Variants in UNKL observed in about 807,000 individuals in gnomAD.
The protein encoded by UNKL is unk like zinc finger, also known as putative E3 ubiquitin-protein ligase UNKL.
UNKL carries 60 observed loss-of-function variants against 78.0 expected under a neutral mutation model. That is an observed-to-expected ratio of 0.77 (90% CI 0.63 to 0.95). The LOEUF (loss-of-function observed/expected upper bound fraction) is 0.95, where lower values mean the gene tolerates loss of function less well. UNKL is among the 40% of genes least tolerant of loss of function. UNKL has a pLI of 0.00. For synonymous variants in UNKL, 608 were observed against 474.8 expected, an observed-to-expected ratio of 1.28 and a Z score of -3.65; for missense variants, 1,159 against 1,045.7, an observed-to-expected ratio of 1.11 and a Z score of -1.49.
In UNKL at chr16:1,367,864, T is replaced by A. The variant is rs1195266528; in HGVS notation, c.1586-6A>T. 9.6e-6 allele frequency: 15 copies of A among 1,554,798 alleles called. No individual in the cohort carries two copies. The highest frequency in any genetic ancestry group is 1.3e-5 in the Non-Finnish European group (15 of 1,149,616). The stretch of plus-strand genomic sequence containing the variant: ...CCCGGGGACACCGTTCAAACCTGAG[T>A]GTGAAACGGTCGATGACGGCCCAGC... On this transcript the variant is annotated splice_polypyrimidine_tract_variant and splice_region_variant and intron_variant, in intron 12 of 14. Transcript: ENST00000389221.
intron 2 of UNKL, 63 bp downstream of exon 2, chr16:1,413,783 G>C: frequency 6.9e-7 from 1 of 1,453,558 alleles, no homozygotes; most frequent in Non-Finnish European, 9.1e-7. Flanking sequence ...GGTCCCGGCC[G>C]CATCCCCGGG....
chr16:1,396,499 C>G (rs1029251538), intron 6 of UNKL, among the ~76,000 whole-genome samples: 3 of 151,090 alleles, frequency 2.0e-5, no homozygotes, highest in Non-Finnish European at 2.9e-5. Flanking sequence ...TGGTTTCGAA[C>G]CCCTGACCTC....
chr16:1,404,415 G>A (rs1157685965), intron 2 of UNKL, among the ~76,000 whole-genome samples: 1 of 152,188 alleles, frequency 6.6e-6, no homozygotes, highest in African/African-American at 2.4e-5. Flanking sequence ...ATCCTCTAAG[G>A]TCAGGAAACA....
intron 10 of UNKL, among the ~76,000 whole-genome samples, chr16:1,381,932 G>T (rs1191176994): frequency 6.6e-6 from 1 of 152,152 alleles, no homozygotes; most frequent in Non-Finnish European, 1.5e-5. Context: ...GACAGGGCAA[G>T]ACCCTGTCTT....
At chr16:1,370,450 A>AGGTGGT (rs768391541) in intron 11 of UNKL, 93 bp from the exon 12 acceptor site, 2 of 1,166,434 alleles carry the variant, frequency 1.7e-6, no homozygotes, top group South Asian at 2.8e-5. Flanking sequence ...CGGACCCTGC[A>AGGTGGT]GGTGGTGGTG....
chr16:1,366,612 G>A (rs1429959230), intron 14 of UNKL, among the ~76,000 whole-genome samples: 2 of 152,180 alleles, frequency 1.3e-5, no homozygotes, highest in Admixed American at 6.5e-5. Flanking sequence ...CTGGGCAGAG[G>A]ACAGCCTCCT....
rs760547085 is a variant in UNKL, at chr16:1,366,324, G to C, written c.2118C>G (p.Pro706=). ...RERAHGAVLR[P]CQHHILCEPC... is the part of the protein sequence containing the mutation. ...GCTCACAGAGGATGTGGTGCTGACAGGGCCGCAGGACAGCACCGTGGGCCC... is the reference window on the plus strand; with the variant it reads ...GCTCACAGAGGATGTGGTGCTGACACGGCCGCAGGACAGCACCGTGGGCCC... The change falls in exon 15 of 15, where the codon CCC becomes CCG. Residue 706 remains proline, a synonymous_variant. Coordinates refer to ENST00000389221, the MANE Select transcript of UNKL (RefSeq NM_001372107.1). 5 of 1,603,860 alleles carry C rather than the reference G, an allele frequency of 3.1e-6. No homozygotes were observed. Among genetic ancestry groups the C allele is most frequent in the Non-Finnish European group, 4.3e-6 (5 of 1,176,460 alleles).
intron 5 of UNKL, 79 bp from the exon 6 acceptor site, chr16:1,397,374 G>T (rs1400463306): frequency 1.7e-6 from 1 of 591,130 alleles, no homozygotes; most frequent in African/African-American, 2.7e-5. Flanking sequence ...GCTGGGGCAG[G>T]GCGTGGACCT....
In UNKL at chr16:1,403,527, G is replaced by T. The variant is rs1004309349; in HGVS notation, c.288-183C>A. On this transcript the variant is annotated intron_variant, in intron 2 of 14. Transcript: ENST00000389221. The surrounding 1 kb of genome is among the most constrained non-coding windows in gnomAD (Gnocchi z 4.8). ...AGCACCTGTCCCCAAATGTGGAACC[G>T]CCCAGGTACACAGACCACCGCAAAC... is the stretch of plus-strand genomic sequence containing the variant. Among the ~76,000 whole-genome samples, 1 of 151,984 alleles carries T rather than the reference G, an allele frequency of 6.6e-6. No homozygotes were observed. The highest frequency in any genetic ancestry group is 1.5e-5 in the Non-Finnish European group (1 of 68,002).
chr16:1,379,563 G>A, intron 10 of UNKL: 5 of 985,310 alleles, frequency 5.1e-6, no homozygotes, highest in Non-Finnish European at 6.0e-6. Flanking sequence ...GGGAGGGCCC[G>A]CTCCTGACCG....
intron 12 of UNKL, among the ~76,000 whole-genome samples, chr16:1,368,608 CAAAA>C (rs757374554): frequency 1.2e-4 from 5 of 42,142 alleles, no homozygotes; most frequent in African/African-American, 3.7e-4. Flanking sequence ...GACTCCGTCT[CAAAA>C]AAAAAAAAAA....
chr16:1,387,669 AC>A lies in UNKL; in HGVS notation c.1087-2285del, dbSNP rs1285060161. Among the ~76,000 whole-genome samples, 1 of 152,042 alleles carries A rather than the reference AC, an allele frequency of 6.6e-6. No individual in the cohort carries two copies. Among genetic ancestry groups the A allele is most frequent in the Non-Finnish European group, 1.5e-5 (1 of 67,990 alleles). ...CCGCATCCAGCAGCTATCACTCAGA[AC>A]CAAAAGCTCAGGATGGCAACGCACG... On this transcript the variant is annotated intron_variant, in intron 9 of 14. Coordinates refer to ENST00000389221, the MANE Select transcript of UNKL (RefSeq NM_001372107.1). The surrounding 1 kb of genome is among the most constrained non-coding windows in gnomAD (Gnocchi z 4.1).
At position 1,374,189 on chromosome 16, in the gene UNKL, G is replaced by A. The variant is rs2036033621; in HGVS notation, c.1265-2578C>T. On this transcript the variant is annotated intron_variant, in intron 10 of 14. Coordinates refer to ENST00000389221, the MANE Select transcript of UNKL (RefSeq NM_001372107.1). ...CGGCCAACACCGCACAGAGACCTCA[G>A]CAGCGTGGGGCACACCACACAGGGA... Among the ~76,000 whole-genome samples the A allele has an allele frequency of 2.0e-5, 3 of 149,644 alleles. 1 individual carries two copies. Among genetic ancestry groups the A allele is most frequent in the Admixed American group, 2.0e-4 (3 of 15,150 alleles).
chr16:1,413,144 C>T (rs372449876), intron 2 of UNKL, among the ~76,000 whole-genome samples: 1 of 151,164 alleles, frequency 6.6e-6, no homozygotes, highest in Non-Finnish European at 1.5e-5. Context: ...ACTTGGGAGG[C>T]TGAGAAGGGA....
At position 1,387,968 on chromosome 16, in the gene UNKL, G is replaced by A. The variant is rs1322595145; in HGVS notation, c.1087-2583C>T. Among the ~76,000 whole-genome samples, 4 of 152,186 alleles carry A rather than the reference G, an allele frequency of 2.6e-5. No homozygotes were observed. Among genetic ancestry groups the A allele is most frequent in the Non-Finnish European group, 4.4e-5 (3 of 68,022 alleles). ...CCTAGAGGCCACCGCCCGGGTCACA[G>A]TCACCCCTGTGGATGTCCTCTCAGC... is the stretch of plus-strand genomic sequence containing the variant. On this transcript the variant is annotated intron_variant, in intron 9 of 14. Coordinates refer to ENST00000389221, the MANE Select transcript of UNKL (RefSeq NM_001372107.1). This position sits in a 1 kb window ranked among gnomAD's most constrained non-coding sequence, Gnocchi z 4.1.
chr16:1,396,059 C>T (rs529074748), intron 6 of UNKL, among the ~76,000 whole-genome samples: 2 of 152,148 alleles, frequency 1.3e-5, no homozygotes, highest in East Asian at 3.9e-4. Flanking sequence ...CCTCGCGCCT[C>T]AGCCTCCAAG....
rs772541424 is a variant in UNKL at position 1,365,450 on chromosome 16, G to A, written c.*790C>T. 3.3e-5 allele frequency: 5 copies of A among 152,352 alleles called. No homozygotes were observed. The highest frequency in any genetic ancestry group is 5.9e-5 in the Non-Finnish European group (4 of 68,032). The allele number at this position is 152,352 out of a possible 1,614,324, so 9.4% of individuals were successfully genotyped here. A position where few individuals can be genotyped will look rare whatever the true frequency, so the allele number is the denominator to read the frequency against. On this transcript the variant is annotated 3_prime_UTR_variant, in exon 15 of 15. Transcript: ENST00000389221. Reference sequence around the variant, plus strand: ...CGAGGCGCAGGCGCACAGAAACAGCGGCCACGGACCACAGAAATGCAGGAC... The same window carrying A: ...CGAGGCGCAGGCGCACAGAAACAGCAGCCACGGACCACAGAAATGCAGGAC...
Position 1,389,977 on chromosome 16 carries a change from CTCAT to C in UNKL, c.1086+651_1086+654del, listed in dbSNP as rs371774456. On this transcript the variant is annotated intron_variant, in intron 9 of 14. Transcript: ENST00000389221. Reference sequence around the variant, plus strand: ...AGCTACTGTGCCCAACTAAAACTACCTCATTCATTCATTCATTCATTCATTCAGA... The same window carrying C: ...AGCTACTGTGCCCAACTAAAACTACCTCATTCATTCATTCATTCATTCAGA... Among the ~76,000 whole-genome samples the C allele has an allele frequency of 9.6e-4, 146 of 152,136 alleles. 1 individual carries two copies. Among genetic ancestry groups the C allele is most frequent in the South Asian group, 3.9e-3 (19 of 4,812 alleles).
chr16:1,371,191 G>A (rs932546219), intron 11 of UNKL, among the ~76,000 whole-genome samples: 2 of 151,930 alleles, frequency 1.3e-5, no homozygotes, highest in African/African-American at 2.4e-5. Flanking sequence ...GAAAGGCCCC[G>A]CCTGTCTCTG....
Sources: gnomAD v4.1 joint callset for allele counts (sites outside exome capture counted in the v4.1 genomes callset) on GRCh38, gnomAD v4.1.1 for gene constraint, Gnocchi (gnomAD v3.1) non-coding constraint, MANE v1.5 for transcripts, NCBI Gene and HGNC (gene_info 2026-07-23, HGNC 2026-07-21) for gene names.